The following STAMBP variants were observed in gnomAD, a reference collection of about 807,000 sequenced individuals.
The protein encoded by STAMBP is STAM binding protein, also known as STAM-binding protein.
STAMBP carries 31 observed loss-of-function variants against 50.7 expected under a neutral mutation model. The ratio of observed to expected loss-of-function variants is 0.61; its 90% CI spans 0.46 to 0.83. STAMBP has a LOEUF of 0.83. STAMBP is among the 40% of genes least tolerant of loss of function. The pLI, the probability that STAMBP is intolerant of heterozygous loss-of-function variation, is 0.00. For synonymous variants in STAMBP, 211 were observed against 192.4 expected, an observed-to-expected ratio of 1.10 and a Z score of -0.80; for missense variants, 472 against 518.9, an observed-to-expected ratio of 0.91 and a Z score of 0.88.
At chr2:73,848,831 G>A (rs1258262857) in intron 5 of STAMBP, among the ~76,000 whole-genome samples, 1 of 152,144 alleles carries the variant, frequency 6.6e-6, no homozygotes, top group Non-Finnish European at 1.5e-5. Flanking sequence ...ATTAGATTCT[G>A]ACAGAAAATT....
At chr2:73,861,217 T>C (rs575297299) in intron 9 of STAMBP, among the ~76,000 whole-genome samples, 10 of 152,214 alleles carry the variant, frequency 6.6e-5, no homozygotes, top group Non-Finnish European at 1.5e-4. Flanking sequence ...ATTATTTGGG[T>C]GACATCATAG....
At chr2:73,858,430 A>C (rs188362575) in intron 7 of STAMBP, among the ~76,000 whole-genome samples, 329 of 152,104 alleles carry the variant, frequency 2.2e-3, no homozygotes, top group Non-Finnish European at 3.1e-3. Context: ...ATAAGCCTCC[A>C]TGCCCAGCCT....
chr2:73,871,062 G>A (rs1296901542), downstream of STAMBP, among the ~76,000 whole-genome samples: 1 of 152,090 alleles, frequency 6.6e-6, no homozygotes, highest in Non-Finnish European at 1.5e-5. Context: ...GAGCCACTGT[G>A]CCTTGGCCAA....
At chr2:73,873,566 T>C (rs943692305) in exon 11 of STAMBP, 1 of 152,266 alleles carries the variant, frequency 6.6e-6, no homozygotes, top group South Asian at 2.1e-4. Context: ...GTAGCCTTTC[T>C]TTCTGTCCAT....
chr2:73,851,926 C>T (rs888167067), intron 7 of STAMBP, among the ~76,000 whole-genome samples: 1 of 152,160 alleles, frequency 6.6e-6, no homozygotes, highest in Non-Finnish European at 1.5e-5. Flanking sequence ...AGGCATGAGC[C>T]ACCACGCCCG....
rs548148452 is a variant in STAMBP at position 73,831,633 on chromosome 2, A to G, written c.203+574A>G. ...ATTTCAGTACTATTAACAGCAAACA[A>G]CTTCTAAAACTCCATTGACAATGAT... is the stretch of plus-strand genomic sequence containing the variant. On this transcript the variant is annotated intron_variant, in intron 2 of 9. Transcript: ENST00000394070. Among the ~76,000 whole-genome samples the G allele has an allele frequency of 7.7e-4, 117 of 152,132 alleles. 1 individual carries two copies. Among genetic ancestry groups the G allele is most frequent in the Non-Finnish European group, 1.5e-3 (100 of 67,992 alleles).
In STAMBP at chr2:73,866,883, C is replaced by G. The variant is rs973994892; in HGVS notation, c.*4624C>G. Reference sequence around the variant, plus strand: ...TGCCAACTGGCTCAGAAGAGGTTTGCTGGGTTAAATCTCAAGATGAGCCCA... The same window carrying G: ...TGCCAACTGGCTCAGAAGAGGTTTGGTGGGTTAAATCTCAAGATGAGCCCA... On this transcript the variant is annotated 3_prime_UTR_variant, in exon 10 of 10. Coordinates refer to ENST00000394070, the MANE Select transcript of STAMBP (RefSeq NM_213622.4). 1 of 152,184 alleles carries G rather than the reference C, an allele frequency of 6.6e-6. No individual in the cohort carries two copies. Among genetic ancestry groups the G allele is most frequent in the Non-Finnish European group, 1.5e-5 (1 of 68,058 alleles). 9.4% of individuals were successfully genotyped at this position (152,184 alleles called of 1,614,324 possible).
At chr2:73,855,746 C>T in intron 7 of STAMBP, 1 of 454,970 alleles carries the variant, frequency 2.2e-6, no homozygotes, top group Non-Finnish European at 4.4e-6. Flanking sequence ...CTCATCACAG[C>T]ACCCTGTGGA....
Position 73,866,842 on chromosome 2 carries a change from G to A in STAMBP, c.*4583G>A, listed in dbSNP as rs1220523623. ...AAGGAAGGCAACAGTTTAAAGGAGG[G>A]GAGGGAGATCAGTGGTGCCAACTGG... On this transcript the variant is annotated 3_prime_UTR_variant, in exon 10 of 10. Transcript: ENST00000394070. The A allele has an allele frequency of 2.6e-5, 4 of 152,300 alleles. No individual in the cohort carries two copies. Among genetic ancestry groups the A allele is most frequent in the Non-Finnish European group, 5.9e-5 (4 of 68,098 alleles). The allele number at this position is 152,300 out of a possible 1,614,324, so 9.4% of individuals were successfully genotyped here.
intron 2 of STAMBP, among the ~76,000 whole-genome samples, chr2:73,834,957 T>C (rs1674536428): frequency 6.6e-6 from 1 of 152,224 alleles, no homozygotes; most frequent in African/African-American, 2.4e-5. Context: ...CAAGTGGGGC[T>C]GGATCATGCA....
intron 7 of STAMBP, among the ~76,000 whole-genome samples, chr2:73,851,512 G>A (rs1450461364): frequency 6.6e-6 from 1 of 152,192 alleles, no homozygotes; most frequent in African/African-American, 2.4e-5. Flanking sequence ...TAGAATGTTG[G>A]CAAGCTGGGC....
intron 7 of STAMBP, among the ~76,000 whole-genome samples, chr2:73,853,259 C>T (rs1453648485): frequency 1.3e-5 from 2 of 152,076 alleles, no homozygotes; most frequent in Non-Finnish European, 2.9e-5. Flanking sequence ...ATGAAGTATA[C>T]ACTACCATTT....
At chr2:73,858,969 CTA>C (rs907282368) in intron 7 of STAMBP, among the ~76,000 whole-genome samples, 3 of 151,752 alleles carry the variant, frequency 2.0e-5, no homozygotes, top group Non-Finnish European at 4.4e-5. Flanking sequence ...CCTATATATG[CTA>C]TGTTTTTTTC....
At chr2:73,860,226 TCCTTTCTGATCCA>T in intron 9 of STAMBP, 75 bp downstream of exon 9, 4 of 1,233,940 alleles carry the variant, frequency 3.2e-6, no homozygotes, top group Non-Finnish European at 4.7e-6. Flanking sequence ...AAATGCATCA[TCCTTTCTGATCCA>T]CACAGAAGAC....
Position 73,845,266 on chromosome 2 carries a change from A to G in STAMBP, c.375+4A>G. On this transcript the variant is annotated splice_donor_region_variant and intron_variant, in intron 4 of 9. Coordinates refer to ENST00000394070, the MANE Select transcript of STAMBP (RefSeq NM_213622.4). Reference sequence around the variant, plus strand: ...TACAGAATATAATGAAGAAAAGGTCAGTATATAACAGCTAAGAAGAAAATT... The same window carrying G: ...TACAGAATATAATGAAGAAAAGGTCGGTATATAACAGCTAAGAAGAAAATT... 1 of 1,586,722 alleles carries G rather than the reference A, an allele frequency of 6.3e-7. No individual in the cohort carries two copies. Among genetic ancestry groups the G allele is most frequent in the Non-Finnish European group, 8.6e-7 (1 of 1,159,600 alleles).
chr2:73,854,464 T>C (rs939614903), intron 7 of STAMBP, among the ~76,000 whole-genome samples: 4 of 152,202 alleles, frequency 2.6e-5, no homozygotes, highest in Non-Finnish European at 4.4e-5. Flanking sequence ...GTAGTTCAGC[T>C]TTTTTATTTT....
chr2:73,831,938 G>T (rs1287232477), intron 2 of STAMBP, among the ~76,000 whole-genome samples: 4 of 151,816 alleles, frequency 2.6e-5, no homozygotes, highest in African/African-American at 9.7e-5. Context: ...CCTAATTCAG[G>T]ATTTGTTCTA....
chr2:73,838,704 C>A (rs1675019601), intron 2 of STAMBP, among the ~76,000 whole-genome samples: 1 of 152,182 alleles, frequency 6.6e-6, no homozygotes, highest in Non-Finnish European at 1.5e-5. Flanking sequence ...GAGTTTGTCC[C>A]TGTCACTTAT....
Position 73,850,349 on chromosome 2 carries a change from G to A in STAMBP, c.868-27G>A. 1 of 1,591,754 alleles carries A rather than the reference G, an allele frequency of 6.3e-7. No individual in the cohort carries two copies. The highest frequency in any genetic ancestry group is 8.6e-7 in the Non-Finnish European group (1 of 1,168,522). On this transcript the variant is annotated intron_variant, in intron 6 of 9. Coordinates refer to ENST00000394070, the MANE Select transcript of STAMBP (RefSeq NM_213622.4). The surrounding 1 kb of genome is among the most constrained non-coding windows in gnomAD (Gnocchi z 4.3). ...AGGGTTGCATGAGCACCAGGGAATTGTGACCAGCTGTTTTCTCCTTTGGCA... is the reference window on the plus strand; with the variant it reads ...AGGGTTGCATGAGCACCAGGGAATTATGACCAGCTGTTTTCTCCTTTGGCA...
Sources: allele counts gnomAD v4.1 joint callset (sites outside exome capture counted in the v4.1 genomes callset), GRCh38; gene constraint gnomAD v4.1.1; non-coding constraint Gnocchi (gnomAD v3.1); transcripts MANE v1.5; gene names NCBI Gene and HGNC (gene_info 2026-07-23, HGNC 2026-07-21).